Variants in VAC14 observed in about 807,000 individuals in gnomAD.
The protein encoded by VAC14 is VAC14 component of PIKFYVE complex.
A neutral mutation model predicts 85.3 loss-of-function variants in VAC14; 47 were observed. The ratio of observed to expected loss-of-function variants is 0.55; its 90% CI spans 0.44 to 0.70. VAC14 has a LOEUF of 0.70. VAC14 is among the 30% of genes least tolerant of loss of function. The pLI is 0.00. For synonymous variants in VAC14, 447 were observed against 430.5 expected (o/e 1.04, Z -0.47); for missense variants, 861 against 1,004.3 (o/e 0.86, Z 1.93).
rs1444610955 is a variant in VAC14, at chr16:70,703,395, AC to A, written c.1662-4585del. ...ACCTCTTGTACCACCCTGGAGACCC[AC>A]CATGGGGCTGGAGGAGGGCAGGGGT... On this transcript the variant is annotated intron_variant, in intron 14 of 18. Transcript: ENST00000261776. Among the ~76,000 whole-genome samples, 5 of 150,784 alleles carry A rather than the reference AC, an allele frequency of 3.3e-5. No individual in the cohort carries two copies. In the East Asian group the frequency reaches 9.6e-4, roughly 29 times the overall value.
At chr16:70,706,605 G>A (rs1365074604) in intron 14 of VAC14, among the ~76,000 whole-genome samples, 1 of 152,190 alleles carries the variant, frequency 6.6e-6, no homozygotes, top group African/African-American at 2.4e-5. Flanking sequence ...TCTGCCTCCC[G>A]GGTTCAAGCG....
intron 12 of VAC14, among the ~76,000 whole-genome samples, chr16:70,750,282 C>T (rs1001860957): frequency 6.6e-6 from 1 of 152,188 alleles, no homozygotes; most frequent in African/African-American, 2.4e-5. Flanking sequence ...GGGAGGAAGC[C>T]ACACCAATTA....
At chr16:70,709,814 G>C (rs1189353459) in intron 14 of VAC14, among the ~76,000 whole-genome samples, 1 of 152,182 alleles carries the variant, frequency 6.6e-6, no homozygotes, top group African/African-American at 2.4e-5. Flanking sequence ...CATGGCCAAG[G>C]CTGGTGCTCT....
chr16:70,723,781 T>C (rs1411977418), intron 14 of VAC14, among the ~76,000 whole-genome samples: 1 of 152,160 alleles, frequency 6.6e-6, no homozygotes, highest in Non-Finnish European at 1.5e-5. Context: ...AACGTGCTTT[T>C]AGTGAAAGAC....
chr16:70,688,955 G>A, intron 18 of VAC14: 1 of 985,504 alleles, frequency 1.0e-6, no homozygotes, highest in Non-Finnish European at 1.2e-6. Flanking sequence ...CTGTTTCCAG[G>A]CCCTGAGGCC....
At chr16:70,723,015 A>T (rs2054333429) in intron 14 of VAC14, among the ~76,000 whole-genome samples, 1 of 152,126 alleles carries the variant, frequency 6.6e-6, no homozygotes, top group Non-Finnish European at 1.5e-5. Context: ...CAGGAGTTTG[A>T]GACCAACCTG....
chr16:70,690,246 G>T, intron 18 of VAC14: 1 of 985,466 alleles, frequency 1.0e-6, no homozygotes, highest in Non-Finnish European at 1.2e-6. Context: ...TGGGAGCAGG[G>T]CGGGCTGTGT....
At chr16:70,689,315 C>G (rs1286738335) in intron 18 of VAC14, 8 of 985,308 alleles carry the variant, frequency 8.1e-6, no homozygotes, top group Admixed American at 6.1e-5. Flanking sequence ...ACAGTTCTGC[C>G]CCTCCAACGT....
At chr16:70,719,148 A>G (rs2054230153) in intron 14 of VAC14, among the ~76,000 whole-genome samples, 1 of 152,206 alleles carries the variant, frequency 6.6e-6, no homozygotes, top group African/African-American at 2.4e-5. Context: ...CTTTGCTTTT[A>G]CAAAGCACAA....
At chr16:70,746,370 A>G (rs2030889830) in intron 12 of VAC14, among the ~76,000 whole-genome samples, 1 of 151,924 alleles carries the variant, frequency 6.6e-6, no homozygotes, top group Admixed American at 6.6e-5. Context: ...TCTCCCACTC[A>G]TGGAGACTGG....
intron 13 of VAC14, among the ~76,000 whole-genome samples, chr16:70,739,323 A>T (rs1267822830): frequency 3.9e-5 from 6 of 152,266 alleles, no homozygotes; most frequent in Admixed American, 3.9e-4. Flanking sequence ...GGGCTTCAAG[A>T]GAAACAGGTG....
At position 70,756,201 on chromosome 16, in the gene VAC14, C is replaced by T. The variant is rs906809432; in HGVS notation, c.1371+6339G>A. ...GAGGCAGGAAGCCAGGCAGCCTCAC[C>T]CCAGCTCTGCTCTGCTCTGCTCTGG... is the stretch of plus-strand genomic sequence containing the variant. On this transcript the variant is annotated intron_variant, in intron 12 of 18. Coordinates refer to ENST00000261776, the MANE Select transcript of VAC14 (RefSeq NM_018052.5). 65 of 424,354 alleles carry T rather than the reference C, an allele frequency of 1.5e-4. 1 individual carries two copies. The highest frequency in any genetic ancestry group is 6.0e-5 in the African/African-American group (3 of 49,648). The allele number at this position is 424,354 out of a possible 1,614,324, so 26.3% of individuals were successfully genotyped here.
intron 14 of VAC14, among the ~76,000 whole-genome samples, chr16:70,702,182 G>C (rs1299571672): frequency 2.0e-5 from 3 of 152,222 alleles, no homozygotes; most frequent in African/African-American, 7.2e-5. Context: ...GCAAACACCA[G>C]TGTGTGGAAA....
chr16:70,766,584 A>G (rs1177271280), intron 10 of VAC14: 1 of 455,454 alleles, frequency 2.2e-6, no homozygotes, highest in East Asian at 7.0e-5. Context: ...GGTACGGATG[A>G]GCAAGCCCAG....
At chr16:70,797,557 T>C (rs962581545) in intron 1 of VAC14, among the ~76,000 whole-genome samples, 8 of 152,094 alleles carry the variant, frequency 5.3e-5, no homozygotes, top group Admixed American at 3.3e-4. Context: ...ATAACAATTC[T>C]CTCTCTATGT....
At chr16:70,735,571 G>A (rs2054725025) in intron 13 of VAC14, among the ~76,000 whole-genome samples, 1 of 152,202 alleles carries the variant, frequency 6.6e-6, no homozygotes, top group Admixed American at 6.5e-5. Flanking sequence ...CCGGGGAGAT[G>A]GCTGGGTCTA....
chr16:70,788,261 G>A (rs1298169828), intron 1 of VAC14, among the ~76,000 whole-genome samples: 1 of 152,240 alleles, frequency 6.6e-6, no homozygotes, highest in Non-Finnish European at 1.5e-5. Flanking sequence ...TGTTCAAAGA[G>A]GGACCGGGCA....
intron 12 of VAC14, among the ~76,000 whole-genome samples, chr16:70,749,352 T>C (rs956557062): frequency 6.6e-6 from 1 of 152,254 alleles, no homozygotes; most frequent in African/African-American, 2.4e-5. Flanking sequence ...ACATTTTCAA[T>C]TCTCTTATTT....
intron 12 of VAC14, chr16:70,756,234 T>C: frequency 2.8e-6 from 1 of 352,042 alleles, no homozygotes; most frequent in Non-Finnish European, 5.7e-6. Flanking sequence ...TGGGCTGGGC[T>C]GAGGCTCCAG....
Sources: gnomAD v4.1 joint callset for allele counts (sites outside exome capture counted in the v4.1 genomes callset) on GRCh38, gnomAD v4.1.1 for gene constraint, MANE v1.5 for transcripts, NCBI Gene and HGNC (gene_info 2026-07-23, HGNC 2026-07-21) for gene names.